SPATA17: variants seen among roughly 807,000 people sequenced by gnomAD.
SPATA17 encodes spermatogenesis associated 17, also known as spermatogenesis-associated protein 17.
In SPATA17, 53 loss-of-function variants were observed where a neutral mutation model predicts 62.2. The observed-to-expected ratio is 0.85, with a 90% CI of 0.68 to 1.07. The LOEUF (loss-of-function observed/expected upper bound fraction) is 1.07. SPATA17 is among the 50% of genes least tolerant of loss of function. SPATA17 has a pLI of 0.00. For synonymous variants in SPATA17, 146 were observed against 146.8 expected (o/e 0.99, Z 0.04); for missense variants, 466 against 425.5 (o/e 1.10, Z -0.84).
intron 6 of SPATA17, among the ~76,000 whole-genome samples, chr1:217,761,152 G>A (rs991996448): frequency 1.3e-5 from 2 of 151,150 alleles, no homozygotes; most frequent in East Asian, 2.0e-4. Flanking sequence ...TCTGAGATCT[G>A]CACACTGCTC....
chr1:217,839,347 C>T (rs1224419229), intron 9 of SPATA17, among the ~76,000 whole-genome samples: 1 of 152,024 alleles, frequency 6.6e-6, no homozygotes, highest in African/African-American at 2.4e-5. Flanking sequence ...AAACACCAGG[C>T]TAATTATGGC....
At chr1:217,650,578 C>A (rs1670286691) in intron 2 of SPATA17, among the ~76,000 whole-genome samples, 1 of 152,040 alleles carries the variant, frequency 6.6e-6, no homozygotes, top group South Asian at 2.1e-4. Context: ...CGCCACCACA[C>A]CTGGCTAATT....
At chr1:217,687,956 A>T (rs999741468) in intron 5 of SPATA17, among the ~76,000 whole-genome samples, 2 of 152,094 alleles carry the variant, frequency 1.3e-5, no homozygotes, top group African/African-American at 4.8e-5. Flanking sequence ...GTTTCCTTTT[A>T]TATATAAACT....
chr1:217,699,350 G>A (rs946563120), intron 5 of SPATA17, among the ~76,000 whole-genome samples: 1 of 152,120 alleles, frequency 6.6e-6, no homozygotes, highest in African/African-American at 2.4e-5. Context: ...CAGTTTCTCT[G>A]TGTCTTCACC....
At position 217,869,489 on chromosome 1, in the gene SPATA17, T is replaced by C. The variant is rs1405234433; in HGVS notation, c.*2470T>C. The C allele has an allele frequency of 6.6e-6, 1 of 152,178 alleles. No individual in the cohort carries two copies. Among genetic ancestry groups the C allele is most frequent in the African/African-American group, 2.4e-5 (1 of 41,456 alleles). The allele number at this position is 152,178 out of a possible 1,614,324, so 9.4% of individuals were successfully genotyped here. On this transcript the variant is annotated 3_prime_UTR_variant, in exon 11 of 11. Coordinates refer to ENST00000366933, the MANE Select transcript of SPATA17 (RefSeq NM_138796.4). ...TGAAAAGATGTGAAAAAAGGTTCTC[T>C]ACAGAATGTAGATTTTCCCCATAAG...
chr1:217,721,495 C>T (rs12064774), intron 5 of SPATA17, among the ~76,000 whole-genome samples: 4,787 of 152,202 alleles, frequency 0.031, 227 homozygotes, highest in African/African-American at 0.11. Context: ...TTCCTTAGCT[C>T]ACTAGGCCCT....
rs1337152686 is a variant in SPATA17 at position 217,653,735 on chromosome 1, AGAG to A, written c.240+2561_240+2563del. 2.0e-5 allele frequency among the ~76,000 whole-genome samples: 3 copies of A among 152,242 alleles called. No homozygotes were observed. The East Asian group carries it at 5.8e-4, about 29-fold the overall frequency. On this transcript the variant is annotated intron_variant, in intron 3 of 10. Coordinates refer to ENST00000366933, the MANE Select transcript of SPATA17 (RefSeq NM_138796.4). ...ATAATGTCATATTCTTAAACAGTGA[AGAG>A]GAGATTTGATTTTTCTTCTTTTACT...
intron 5 of SPATA17, among the ~76,000 whole-genome samples, chr1:217,715,545 G>A (rs576943575): frequency 1.3e-5 from 2 of 152,072 alleles, no homozygotes; most frequent in East Asian, 1.9e-4. Context: ...TCACATTTAT[G>A]AGAAAAATCT....
At chr1:217,727,037 C>G (rs1023367501) in intron 5 of SPATA17, among the ~76,000 whole-genome samples, 3 of 151,922 alleles carry the variant, frequency 2.0e-5, no homozygotes, top group African/African-American at 7.2e-5. Flanking sequence ...CACCTGAGGT[C>G]AGGAGTTAGA....
chr1:217,724,973 T>C (rs1487589051), intron 5 of SPATA17, among the ~76,000 whole-genome samples: 1 of 152,208 alleles, frequency 6.6e-6, no homozygotes, highest in Non-Finnish European at 1.5e-5. Flanking sequence ...CTGAAACATG[T>C]TGGCCTTTCA....
intron 9 of SPATA17, among the ~76,000 whole-genome samples, chr1:217,819,869 T>C (rs1674816895): frequency 6.6e-6 from 1 of 152,068 alleles, no homozygotes; most frequent in African/African-American, 2.4e-5. Context: ...TTGAAGGTCA[T>C]ATTTAGCAAC....
chr1:217,846,896 T>C (rs1675543342), intron 9 of SPATA17, among the ~76,000 whole-genome samples: 1 of 152,044 alleles, frequency 6.6e-6, no homozygotes. Flanking sequence ...GTTTTACAAG[T>C]GCAATTTAAA....
At chr1:217,829,221 A>G (rs61827066) in intron 9 of SPATA17, among the ~76,000 whole-genome samples, 4,495 of 152,240 alleles carry the variant, frequency 0.03, 108 homozygotes, top group Middle Eastern at 0.061. Flanking sequence ...ATAGATAAAG[A>G]AAATGTGAGA....
At chr1:217,816,324 T>C (rs975490551) in intron 9 of SPATA17, among the ~76,000 whole-genome samples, 5 of 151,852 alleles carry the variant, frequency 3.3e-5, no homozygotes, top group African/African-American at 1.2e-4. Context: ...GATTAGGATT[T>C]TCTTTTACCT....
chr1:217,732,121 T>C (rs1429770598), intron 5 of SPATA17, among the ~76,000 whole-genome samples: 1 of 152,026 alleles, frequency 6.6e-6, no homozygotes, highest in Non-Finnish European at 1.5e-5. Context: ...TCACCACTAT[T>C]TTGTAATAGT....
intron 8 of SPATA17, among the ~76,000 whole-genome samples, chr1:217,789,880 C>CA (rs1179293211): frequency 6.6e-6 from 1 of 151,738 alleles, no homozygotes; most frequent in Non-Finnish European, 1.5e-5. Flanking sequence ...ACTAAAAATA[C>CA]AAAAAAATTA....
intron 9 of SPATA17, among the ~76,000 whole-genome samples, chr1:217,811,099 T>A (rs573676454): frequency 6.6e-6 from 1 of 152,250 alleles, no homozygotes; most frequent in South Asian, 2.1e-4. Flanking sequence ...AGTGGTGCAA[T>A]CTCAGCTCAC....
intron 5 of SPATA17, among the ~76,000 whole-genome samples, chr1:217,684,918 A>G (rs1671181494): frequency 6.6e-6 from 1 of 152,194 alleles, no homozygotes. Context: ...AAATTTGTTA[A>G]TTTGATTTCT....
chr1:217,687,429 A>G (rs1671240844), intron 5 of SPATA17, among the ~76,000 whole-genome samples: 1 of 152,160 alleles, frequency 6.6e-6, no homozygotes, highest in Non-Finnish European at 1.5e-5. Flanking sequence ...TTCACCTTTT[A>G]TATACAGTCA....
Sources: gnomAD v4.1 joint callset for allele counts (sites outside exome capture counted in the v4.1 genomes callset) on GRCh38, gnomAD v4.1.1 for gene constraint, MANE v1.5 for transcripts, NCBI Gene and HGNC (gene_info 2026-07-23, HGNC 2026-07-21) for gene names.